The following CPNE4 variants were observed in gnomAD, a reference collection of about 807,000 sequenced individuals.
CPNE4 encodes copine-4.
Under a neutral mutation model 67.9 loss-of-function variants are expected in CPNE4, and 25 were observed. That is an observed-to-expected ratio of 0.37 (90% CI 0.27 to 0.51). CPNE4 has a LOEUF of 0.51. CPNE4 is among the 20% of genes least tolerant of loss of function. The pLI is 0.93. For synonymous variants in CPNE4, 242 were observed against 244.9 expected (o/e 0.99, Z 0.11); for missense variants, 464 against 690.8 (o/e 0.67, Z 3.68).
At chr3:131,926,147 G>A (rs371301472) in intron 1 of CPNE4, among the ~76,000 whole-genome samples, 9 of 152,148 alleles carry the variant, frequency 5.9e-5, no homozygotes, top group African/African-American at 1.9e-4. Context: ...TAACCATGGA[G>A]AATTTAGAGA....
intron 14 of CPNE4, 29 bp downstream of exon 14, chr3:131,549,918 C>T: frequency 1.9e-6 from 3 of 1,611,534 alleles, no homozygotes; most frequent in Non-Finnish European, 2.5e-6. Flanking sequence ...AGTAAGCTCC[C>T]CTTAGGAGGC....
Position 131,549,684 on chromosome 3 carries a change from T to C in CPNE4, c.1302+263A>G, listed in dbSNP as rs182125531. Among the ~76,000 whole-genome samples the C allele has an allele frequency of 1.4e-4, 22 of 152,208 alleles. 1 individual carries two copies. In the East Asian group the frequency reaches 3.7e-3, roughly 25 times the overall value. On this transcript the variant is annotated intron_variant, in intron 14 of 15. Coordinates refer to ENST00000429747, the MANE Select transcript of CPNE4 (RefSeq NM_130808.3). ...ACTTTAGTGAATATAGTAGCTTCCA[T>C]TGTTGAGTTTCTCCTGTGTTCAGAC...
chr3:131,876,418 A>T (rs1459810762), intron 2 of CPNE4, among the ~76,000 whole-genome samples: 1 of 151,852 alleles, frequency 6.6e-6, no homozygotes, highest in Non-Finnish European at 1.5e-5. Context: ...CGAGGCAGGC[A>T]GATCACGAGG....
intron 13 of CPNE4, among the ~76,000 whole-genome samples, chr3:131,550,867 A>G (rs1451212728): frequency 6.6e-6 from 1 of 151,920 alleles, no homozygotes; most frequent in Non-Finnish European, 1.5e-5. Flanking sequence ...AAAGGATGGG[A>G]CTCTGCCAGG....
At chr3:131,758,048 C>T (rs1318971998) in intron 2 of CPNE4, among the ~76,000 whole-genome samples, 1 of 152,224 alleles carries the variant, frequency 6.6e-6, no homozygotes, top group East Asian at 1.9e-4. Flanking sequence ...CATGGAGAAC[C>T]TCTGCTAGGG....
At chr3:131,880,867 C>G (rs2087648151) in intron 2 of CPNE4, among the ~76,000 whole-genome samples, 1 of 152,170 alleles carries the variant, frequency 6.6e-6, no homozygotes, top group Non-Finnish European at 1.5e-5. Flanking sequence ...ATAGATTTTT[C>G]TTTGCTTAGC....
At chr3:131,584,511 T>G (rs1559938906) in intron 8 of CPNE4, among the ~76,000 whole-genome samples, 1 of 152,190 alleles carries the variant, frequency 6.6e-6, no homozygotes, top group Non-Finnish European at 1.5e-5. Flanking sequence ...CTCTCCAATT[T>G]ATCTATCTCT....
chr3:132,031,333 T>C (rs574813534), intron 1 of CPNE4, among the ~76,000 whole-genome samples: 3 of 152,354 alleles, frequency 2.0e-5, no homozygotes, highest in Admixed American at 1.3e-4. Flanking sequence ...TTTTTGTTTT[T>C]CTTTTAAAAT....
At chr3:131,954,548 C>T (rs530167452) in intron 1 of CPNE4, among the ~76,000 whole-genome samples, 1 of 152,274 alleles carries the variant, frequency 6.6e-6, no homozygotes, top group East Asian at 1.9e-4. Context: ...GCACAACGTG[C>T]AGGTATATTA....
chr3:131,947,098 T>G (rs922617335), intron 1 of CPNE4, among the ~76,000 whole-genome samples: 1 of 152,212 alleles, frequency 6.6e-6, no homozygotes, highest in Non-Finnish European at 1.5e-5. Context: ...CTGTTGTGAT[T>G]ATTGTAGCTC....
intron 7 of CPNE4, among the ~76,000 whole-genome samples, chr3:131,648,476 C>T (rs1432675197): frequency 6.6e-6 from 1 of 152,190 alleles, no homozygotes; most frequent in Non-Finnish European, 1.5e-5. Context: ...ATATTCATCT[C>T]CATATCCTAA....
intron 3 of CPNE4, among the ~76,000 whole-genome samples, chr3:131,708,315 A>G (rs2081464426): frequency 6.6e-6 from 1 of 152,098 alleles, no homozygotes; most frequent in South Asian, 2.1e-4. Context: ...AGGGGTGTGG[A>G]GAGGGCAAGA....
chr3:131,775,671 T>C (rs2083274422), intron 2 of CPNE4, among the ~76,000 whole-genome samples: 1 of 152,162 alleles, frequency 6.6e-6, no homozygotes, highest in Non-Finnish European at 1.5e-5. Context: ...TTTCACCTTC[T>C]GCCATGATTG....
chr3:131,880,785 G>A (rs1362280088), intron 2 of CPNE4, among the ~76,000 whole-genome samples: 2 of 152,220 alleles, frequency 1.3e-5, no homozygotes, highest in African/African-American at 4.8e-5. Flanking sequence ...CATGTACATT[G>A]CAAACATTAA....
rs1458590462 is a variant in CPNE4, at chr3:131,535,074, C to A, written c.*121G>T. ...GTCAGATAGTTAAAAATCACCAAAA[C>A]GTGCTATTTTTAAATGTGTATATGT... On this transcript the variant is annotated 3_prime_UTR_variant, in exon 16 of 16. Transcript: ENST00000429747. 1 of 1,052,330 alleles carries A rather than the reference C, an allele frequency of 9.5e-7. No individual in the cohort carries two copies. The highest frequency in any genetic ancestry group is 1.3e-6 in the Non-Finnish European group (1 of 760,814). 65.2% of individuals were successfully genotyped at this position (1,052,330 alleles called of 1,614,324 possible).
At chr3:131,880,858 T>C (rs563859153) in intron 2 of CPNE4, among the ~76,000 whole-genome samples, 2 of 152,362 alleles carry the variant, frequency 1.3e-5, no homozygotes, top group Non-Finnish European at 2.9e-5. Context: ...TGCGTTATAA[T>C]AGATTTTTCT....
At chr3:131,998,292 G>A (rs1051548390) in intron 1 of CPNE4, among the ~76,000 whole-genome samples, 4 of 152,052 alleles carry the variant, frequency 2.6e-5, no homozygotes, top group Admixed American at 6.6e-5. Flanking sequence ...CTGATCCCAC[G>A]TGTGTACTAA....
intron 4 of CPNE4, among the ~76,000 whole-genome samples, chr3:131,699,210 A>G (rs1482483219): frequency 2.0e-5 from 3 of 152,246 alleles, no homozygotes; most frequent in Non-Finnish European, 4.4e-5. Context: ...TACTTCTAGC[A>G]TTACCCAATA....
intron 1 of CPNE4, among the ~76,000 whole-genome samples, chr3:131,911,543 TTGTGTGTGTGTGTGTG>T (rs3041573): frequency 0.025 from 3,646 of 145,968 alleles, 49 homozygotes; most frequent in Admixed American, 0.031. Context: ...GCACTCCAAG[TTGTGTGTGTGTGTGTG>T]TGTGTGTGTG....
Sources: allele counts gnomAD v4.1 joint callset (sites outside exome capture counted in the v4.1 genomes callset), GRCh38; gene constraint gnomAD v4.1.1; transcripts MANE v1.5; gene names NCBI Gene and HGNC (gene_info 2026-07-23, HGNC 2026-07-21).